PLIN5: variants seen among roughly 807,000 people sequenced by gnomAD.
The protein encoded by PLIN5 is perilipin 5.
In PLIN5, 34 loss-of-function variants were observed where a neutral mutation model predicts 32.8. The observed-to-expected ratio is 1.04, with a 90% CI of 0.79 to 1.38. The LOEUF is 1.38. Ranked by LOEUF, PLIN5 falls within the 40% of genes most tolerant of loss-of-function variation. The pLI, the probability that PLIN5 is intolerant of heterozygous loss-of-function variation, is 0.00. For synonymous variants in PLIN5, 309 were observed against 292.9 expected (o/e 1.05, Z -0.56); for missense variants, 712 against 660.5 (o/e 1.08, Z -0.85).
At chr19:4,533,615 T>C (rs1226674712) in intron 2 of PLIN5, 1 of 358,838 alleles carries the variant, frequency 2.8e-6, no homozygotes, top group African/African-American at 2.1e-5. Context: ...GTTACTAGGG[T>C]TGTGATGGGT....
chr19:4,525,496 G>T lies in PLIN5; in HGVS notation c.720+137C>A. 9.1e-7 allele frequency: 1 copy of T among 1,103,620 alleles called. No homozygotes were observed. The highest frequency in any genetic ancestry group is 1.3e-6 in the Non-Finnish European group (1 of 776,268). The allele number at this position is 1,103,620 out of a possible 1,614,324, so 68.4% of individuals were successfully genotyped here. On this transcript the variant is annotated intron_variant, in intron 6 of 7. Coordinates refer to ENST00000381848, the MANE Select transcript of PLIN5 (RefSeq NM_001013706.3). This position sits in a 1 kb window ranked among gnomAD's most constrained non-coding sequence, Gnocchi z 5.6. ...CTCCAGGCCCGGGTCCCCCAGCCCT[G>T]AACACATGCAGCTGGAGACAGCTGC... is the stretch of plus-strand genomic sequence containing the variant.
At position 4,523,463 on chromosome 19, in the gene PLIN5, C is replaced by CCAGGGGGCAGCAGGGATCGGGGTGTG; in HGVS notation, c.*39_*64dup. ...AAGGCCTCGAGCTTACGTGTGGCCA[C>CCAGGGGGCAGCAGGGATCGGGGTGTG]CAGGGGGCAGCAGGGATCGGGGTGT... On this transcript the variant is annotated 3_prime_UTR_variant, in exon 8 of 8. Transcript: ENST00000381848. The surrounding 1 kb of genome is among the most constrained non-coding windows in gnomAD (Gnocchi z 5.0). The CCAGGGGGCAGCAGGGATCGGGGTGTG allele has an allele frequency of 6.7e-7, 1 of 1,486,840 alleles. No homozygotes were observed. The highest frequency in any genetic ancestry group is 9.0e-7 in the Non-Finnish European group (1 of 1,115,530). The allele number at this position is 1,486,840 out of a possible 1,614,324, so 92.1% of individuals were successfully genotyped here.
In PLIN5 at chr19:4,534,012, C is replaced by CA; in HGVS notation, c.60+2dup. 1.2e-6 allele frequency: 2 copies of CA among 1,612,296 alleles called. No individual in the cohort carries two copies. The highest frequency in any genetic ancestry group is 1.7e-6 in the Non-Finnish European group (2 of 1,179,224). On this transcript the variant is annotated splice_region_variant and intron_variant, in intron 2 of 7. Coordinates refer to ENST00000381848, the MANE Select transcript of PLIN5 (RefSeq NM_001013706.3). ...CCTGCTCCATGGGAGGGGCAGCCCT[C>CA]ACCTGCTGGTCCTGCTCCCACACAC...
At chr19:4,528,623 TG>T (rs911127553) in intron 5 of PLIN5, 3 of 152,950 alleles carry the variant, frequency 2.0e-5, no homozygotes, top group African/African-American at 7.2e-5. Flanking sequence ...TTGGCCAGGC[TG>T]GGCTCGAACT....
At chr19:4,531,548 T>G in intron 3 of PLIN5, 79 bp downstream of exon 3, 6 of 1,374,944 alleles carry the variant, frequency 4.4e-6, no homozygotes, top group Non-Finnish European at 4.8e-6. Context: ...GTCATGCAGA[T>G]AGACCAAGGA....
rs1052642342 is a variant in PLIN5 at position 4,524,977 on chromosome 19, G to A, written c.820C>T (p.Arg274Cys). Residue 274 changes from arginine to cysteine, a missense_variant, in exon 7 of 8, where the codon CGC becomes TGC. By Grantham distance (180) the Arg-to-Cys change is radical (BLOSUM62 -3). Coordinates refer to ENST00000381848, the MANE Select transcript of PLIN5 (RefSeq NM_001013706.3). ...TGCGGTCTCACCTGGCTCCGGCGGC[G>A]GCTCTCCGGAGGGCGCTGGCCCCAT... ...GEWGQRPPESRRRSQAELETL... is the reference protein window; with the variant it reads ...GEWGQRPPESCRRSQAELETL... 18 of 1,530,804 alleles carry A rather than the reference G, an allele frequency of 1.2e-5. No homozygotes were observed. In the African/African-American group the frequency reaches 1.3e-4, roughly 11 times the overall value. 94.8% of individuals were successfully genotyped at this position (1,530,804 alleles called of 1,614,324 possible). A position where few individuals can be genotyped will look rare whatever the true frequency, so the allele number is the denominator to read the frequency against.
At position 4,523,928 on chromosome 19, in the gene PLIN5, G is replaced by C. The variant is rs775201702; in HGVS notation, c.992C>G (p.Ala331Gly). The C allele has an allele frequency of 6.5e-7, 1 of 1,529,358 alleles. No individual in the cohort carries two copies. Among genetic ancestry groups the C allele is most frequent in the Non-Finnish European group, 8.7e-7 (1 of 1,146,646 alleles). 94.7% of individuals were successfully genotyped at this position (1,529,358 alleles called of 1,614,324 possible). ...RSVDALQTAF[A>G]DARCFRDVPA... ...CACGTCCCTGAAGCAGCGGGCATCA[G>C]CGAAGGCGGTCTGCAGGGCATCCAC... is the stretch of plus-strand genomic sequence containing the variant. The change falls in exon 8 of 8, where the codon GCT (alanine) becomes GGT (glycine). Residue 331 changes from alanine to glycine, a missense_variant. Transcript: ENST00000381848. This position sits in a 1 kb window ranked among gnomAD's most constrained non-coding sequence, Gnocchi z 5.0.
rs148158184 is a variant in PLIN5, at chr19:4,523,321, G to T, written c.*207C>A. 40 of 538,362 alleles carry T rather than the reference G, an allele frequency of 7.4e-5. No homozygotes were observed. The African/African-American group carries it at 7.7e-4, about 10-fold the overall frequency. The allele number at this position is 538,362 out of a possible 1,614,324, so 33.3% of individuals were successfully genotyped here. On this transcript the variant is annotated 3_prime_UTR_variant, in exon 8 of 8. Coordinates refer to ENST00000381848, the MANE Select transcript of PLIN5 (RefSeq NM_001013706.3). This position sits in a 1 kb window ranked among gnomAD's most constrained non-coding sequence, Gnocchi z 5.0. ...CAAGTTGGCCTGAATAGGGTTCGAGGCCCTGCTCCCCCGGGCCTCTTTGTC... is the reference window on the plus strand; with the variant it reads ...CAAGTTGGCCTGAATAGGGTTCGAGTCCCTGCTCCCCCGGGCCTCTTTGTC...
intron 5 of PLIN5, 125 bp downstream of exon 5, chr19:4,528,948 G>T: frequency 9.3e-7 from 1 of 1,077,076 alleles, no homozygotes; most frequent in Non-Finnish European, 1.3e-6. Flanking sequence ...GCCTGGTTTT[G>T]AGTTGTATGT....
Position 4,525,733 on chromosome 19 carries a change from C to T in PLIN5, c.620G>A (p.Arg207Gln), listed in dbSNP as rs1044249373. The T allele has an allele frequency of 1.4e-5, 22 of 1,613,632 alleles. No homozygotes were observed. The highest frequency in any genetic ancestry group is 2.7e-5 in the African/African-American group (2 of 74,922). Residue 207 changes from arginine to glutamine, a missense_variant, in exon 6 of 8, where the codon CGG (arginine) becomes CAG (glutamine). Arg to Gln is a conservative substitution (Grantham distance 43, BLOSUM62 1). Coordinates refer to ENST00000381848, the MANE Select transcript of PLIN5 (RefSeq NM_001013706.3). This position sits in a 1 kb window ranked among gnomAD's most constrained non-coding sequence, Gnocchi z 5.6. Reference sequence around the variant, plus strand: ...GTGCTCGTAGGCCAGGTGGCGGATCCGTGCTGACAGGGAGCCGAGGCGCAC... The same window carrying T: ...GTGCTCGTAGGCCAGGTGGCGGATCTGTGCTGACAGGGAGCCGAGGCGCAC... ...YFVRLGSLSA[R>Q]IRHLAYEHSV...
chr19:4,523,436 C>T lies in PLIN5; in HGVS notation c.*92G>A. 1 of 1,408,724 alleles carries T rather than the reference C, an allele frequency of 7.1e-7. No homozygotes were observed. Among genetic ancestry groups the T allele is most frequent in the Admixed American group, 2.5e-5 (1 of 39,996 alleles). The allele number at this position is 1,408,724 out of a possible 1,614,324, so 87.3% of individuals were successfully genotyped here. A position where few individuals can be genotyped will look rare whatever the true frequency, so the allele number is the denominator to read the frequency against. On this transcript the variant is annotated 3_prime_UTR_variant, in exon 8 of 8. Transcript: ENST00000381848. This position sits in a 1 kb window ranked among gnomAD's most constrained non-coding sequence, Gnocchi z 5.0. ...GCCTGATTCCAAAGAAGGGTCAAGGCCAAGGCCTCGAGCTTACGTGTGGCC... is the reference window on the plus strand; with the variant it reads ...GCCTGATTCCAAAGAAGGGTCAAGGTCAAGGCCTCGAGCTTACGTGTGGCC...
intron 3 of PLIN5, 49 bp downstream of exon 3, chr19:4,531,578 G>C (rs1432654173): frequency 1.4e-6 from 2 of 1,443,284 alleles, no homozygotes; most frequent in African/African-American, 2.8e-5. Flanking sequence ...AGGGGGCGGT[G>C]GGGGGGTGGC....
At chr19:4,533,732 CAGA>C (rs1375280923) in intron 2 of PLIN5, 5 of 520,278 alleles carry the variant, frequency 9.6e-6, no homozygotes, top group Admixed American at 3.4e-5. Flanking sequence ...GACGTGGAGA[CAGA>C]AGGATACAGG....
intron 3 of PLIN5, among the ~76,000 whole-genome samples, chr19:4,530,730 T>A (rs1361966891): frequency 1.3e-5 from 2 of 152,180 alleles, no homozygotes; most frequent in Non-Finnish European, 2.9e-5. Context: ...TGGAGTGCAG[T>A]GGTGCGATCT....
rs995117985 is a variant in PLIN5, at chr19:4,523,582, G to A, written c.1338C>T (p.Pro446=). 18 of 1,602,444 alleles carry A rather than the reference G, an allele frequency of 1.1e-5. No homozygotes were observed. The highest frequency in any genetic ancestry group is 1.7e-4 in the Middle Eastern group (1 of 6,012). Residue 446 remains proline (P), a synonymous_variant, in exon 8 of 8, where the codon CCC becomes CCT. Transcript: ENST00000381848. The surrounding 1 kb of genome is among the most constrained non-coding windows in gnomAD (Gnocchi z 5.0). Reference sequence around the variant, plus strand: ...GCTTGACCGGGCAGCTGGGGGTCTCGGGTTCCTGCTCGCAGATGTCCCCGG... The same window carrying A: ...GCTTGACCGGGCAGCTGGGGGTCTCAGGTTCCTGCTCGCAGATGTCCCCGG... ...GVAGDICEQE[P]ETPSCPVKHT...
chr19:4,524,342 C>T (rs1003074487), intron 7 of PLIN5, among the ~76,000 whole-genome samples: 10 of 152,226 alleles, frequency 6.6e-5, no homozygotes, highest in South Asian at 4.2e-4. Flanking sequence ...ACCTGAGGTG[C>T]GGAGTTCAAG....
chr19:4,523,573 G>A lies in PLIN5; in HGVS notation c.1347C>T (p.Pro449=). ...GDICEQEPET[P]SCPVKHTLMP... ...TCAGGGTGTGCTTGACCGGGCAGCTGGGGGTCTCGGGTTCCTGCTCGCAGA... is the reference window on the plus strand; with the variant it reads ...TCAGGGTGTGCTTGACCGGGCAGCTAGGGGTCTCGGGTTCCTGCTCGCAGA... Residue 449 remains proline (P), a synonymous_variant, in exon 8 of 8, where the codon CCC becomes CCT. Coordinates refer to ENST00000381848, the MANE Select transcript of PLIN5 (RefSeq NM_001013706.3). This position sits in a 1 kb window ranked among gnomAD's most constrained non-coding sequence, Gnocchi z 5.0. The A allele has an allele frequency of 6.3e-7, 1 of 1,598,694 alleles. No individual in the cohort carries two copies. Among genetic ancestry groups the A allele is most frequent in the Non-Finnish European group, 8.5e-7 (1 of 1,171,860 alleles).
rs558210838 is a variant in PLIN5 at position 4,522,842 on chromosome 19, C to G, written c.*686G>C. 83 of 152,174 alleles carry G rather than the reference C, an allele frequency of 5.5e-4. No individual in the cohort carries two copies. Among genetic ancestry groups the G allele is most frequent in the African/African-American group, 2.0e-3 (82 of 41,444 alleles). The allele number at this position is 152,174 out of a possible 1,614,324, so 9.4% of individuals were successfully genotyped here. On this transcript the variant is annotated 3_prime_UTR_variant, in exon 8 of 8. Transcript: ENST00000381848. ...TGATAACAGGTGTCAACCACCACACCCAGTCAGGGCTCACTTTTCAAAGCC... is the reference window on the plus strand; with the variant it reads ...TGATAACAGGTGTCAACCACCACACGCAGTCAGGGCTCACTTTTCAAAGCC...
intron 5 of PLIN5, among the ~76,000 whole-genome samples, chr19:4,526,915 C>T (rs1726472278): frequency 6.6e-6 from 1 of 151,318 alleles, no homozygotes; most frequent in Non-Finnish European, 1.5e-5. Context: ...AGAAAATCCA[C>T]ACAAGATATG....
Sources: gnomAD v4.1 joint callset for allele counts (sites outside exome capture counted in the v4.1 genomes callset) on GRCh38, gnomAD v4.1.1 for gene constraint, Gnocchi (gnomAD v3.1) non-coding constraint, MANE v1.5 for transcripts, NCBI Gene and HGNC (gene_info 2026-07-23, HGNC 2026-07-21) for gene names.